TASP1: variants seen among roughly 807,000 people sequenced by gnomAD.
TASP1 encodes taspase 1.
TASP1 carries 16 observed loss-of-function variants against 56.6 expected under a neutral mutation model. The observed-to-expected ratio is 0.28, with a 90% confidence interval of 0.19 to 0.43. The LOEUF is 0.43. TASP1 is among the 20% of genes least tolerant of loss of function. TASP1 has a pLI of 1.00. For missense variants in TASP1, 393 were observed against 511.6 expected (o/e 0.77, Z 2.24); for synonymous variants, 179 against 184.2 (o/e 0.97, Z 0.23).
the TASP1 span, among the ~76,000 whole-genome samples, chr20:13,219,954 G>C: frequency 6.6e-6 from 1 of 152,180 alleles, no homozygotes; most frequent in Admixed American, 6.5e-5. Context: ...AAATTGGGGA[G>C]GGGGAAAGGG....
chr20:13,258,130 T>C, the TASP1 span, among the ~76,000 whole-genome samples: 1 of 152,160 alleles, frequency 6.6e-6, no homozygotes, highest in Non-Finnish European at 1.5e-5. Context: ...CCCCCAAACA[T>C]TCCGTTTACC....
chr20:13,227,337 G>GA, the TASP1 span, among the ~76,000 whole-genome samples: 1 of 151,470 alleles, frequency 6.6e-6, no homozygotes, highest in East Asian at 1.9e-4. Flanking sequence ...CCGAGTAGCT[G>GA]GGACTACAGG....
At chr20:13,460,101 C>G (rs1288431275) in intron 11 of TASP1, among the ~76,000 whole-genome samples, 2 of 152,174 alleles carry the variant, frequency 1.3e-5, no homozygotes, top group Non-Finnish European at 2.9e-5. Flanking sequence ...CCCTTACCCA[C>G]TCACACTGGG....
the TASP1 span, among the ~76,000 whole-genome samples, chr20:13,377,308 T>C: frequency 6.6e-6 from 1 of 152,248 alleles, no homozygotes; most frequent in East Asian, 1.9e-4. Flanking sequence ...GTCAAAGGCC[T>C]TTTCTGCATC....
chr20:13,451,789 T>G (rs2043629005), intron 11 of TASP1, among the ~76,000 whole-genome samples: 1 of 152,124 alleles, frequency 6.6e-6, no homozygotes, highest in African/African-American at 2.4e-5. Context: ...ATTCACAACT[T>G]GGCTAACTGG....
At chr20:13,118,228 G>A in the TASP1 span, among the ~76,000 whole-genome samples, 2 of 152,162 alleles carry the variant, frequency 1.3e-5, no homozygotes, top group African/African-American at 4.8e-5. Flanking sequence ...ACAAGTTGTG[G>A]GTTTTAAGAG....
chr20:13,452,367 C>T (rs1379290266), intron 11 of TASP1, among the ~76,000 whole-genome samples: 1 of 150,858 alleles, frequency 6.6e-6, no homozygotes, highest in African/African-American at 2.4e-5. Context: ...TACTAAATAC[C>T]TGCTCTGTAC....
At chr20:13,404,332 G>T (rs887169560) in intron 13 of TASP1, among the ~76,000 whole-genome samples, 1 of 152,234 alleles carries the variant, frequency 6.6e-6, no homozygotes, top group Non-Finnish European at 1.5e-5. Flanking sequence ...CAGGTGTGCA[G>T]TGGCTCACAC....
rs111973613 is a variant in TASP1 at position 13,433,841 on chromosome 20, T to TAA, written c.1096+1201_1096+1202dup. 4.4e-3 allele frequency among the ~76,000 whole-genome samples: 513 copies of TAA among 116,144 alleles called. 4 individuals are homozygous for TAA. The highest frequency in any genetic ancestry group is 0.041 in the East Asian group (169 of 4,154). 76.2% of individuals were successfully genotyped at this position (116,144 alleles called of 152,430 possible). ...CGTGGATGACCTATAGTGTTTGTAT[T>TAA]AAAAAAAAAAAAAAAAAAACAGAAG... On this transcript the variant is annotated intron_variant, in intron 12 of 13. Transcript: ENST00000337743.
chr20:13,433,471 T>C (rs1174145694), intron 12 of TASP1, among the ~76,000 whole-genome samples: 2 of 148,808 alleles, frequency 1.3e-5, no homozygotes, highest in Non-Finnish European at 2.9e-5. Flanking sequence ...GCACATCTCC[T>C]TGGAGGAACC....
At chr20:13,112,791 A>T in the TASP1 span, among the ~76,000 whole-genome samples, 1 of 152,204 alleles carries the variant, frequency 6.6e-6, no homozygotes, top group Non-Finnish European at 1.5e-5. Context: ...CAATTTCCTC[A>T]TCTGTAAAAT....
At chr20:13,393,311 T>A in intron 13 of TASP1, 1 of 757,780 alleles carries the variant, frequency 1.3e-6, no homozygotes, top group Non-Finnish European at 2.4e-6. Context: ...CTACTGGCAC[T>A]GCCAAGGCTG....
the TASP1 span, among the ~76,000 whole-genome samples, chr20:13,170,368 T>C: frequency 6.6e-6 from 1 of 152,198 alleles, no homozygotes. Flanking sequence ...CAATCAAGAA[T>C]AAGGGAACAA....
At chr20:13,302,160 C>A in the TASP1 span, among the ~76,000 whole-genome samples, 3 of 152,142 alleles carry the variant, frequency 2.0e-5, no homozygotes, top group African/African-American at 7.2e-5. Context: ...GAACAGAGAG[C>A]TTTCTTACTA....
the TASP1 span, among the ~76,000 whole-genome samples, chr20:13,230,611 G>A: frequency 6.6e-6 from 1 of 152,002 alleles, no homozygotes; most frequent in Non-Finnish European, 1.5e-5. Context: ...GGTCCTCAAT[G>A]ACAGCTAAGA....
intron 11 of TASP1, among the ~76,000 whole-genome samples, chr20:13,455,880 A>T (rs1029392723): frequency 1.3e-5 from 2 of 152,132 alleles, no homozygotes. Context: ...GGCAATAGAT[A>T]TCTCAATTGC....
chr20:13,382,416 G>C, the TASP1 span, among the ~76,000 whole-genome samples: 1 of 152,174 alleles, frequency 6.6e-6, no homozygotes, highest in Admixed American at 6.5e-5. Flanking sequence ...GGAGGCCAAG[G>C]TGGGAGGATT....
At chr20:13,163,761 A>T in the TASP1 span, among the ~76,000 whole-genome samples, 1 of 151,998 alleles carries the variant, frequency 6.6e-6, no homozygotes, top group African/African-American at 2.4e-5. Context: ...AACAACCCTC[A>T]CCTTACCTTT....
In TASP1 at chr20:13,433,444, A is replaced by G. The variant is rs6109878; in HGVS notation, c.1096+1600T>C. Among the ~76,000 whole-genome samples the G allele has an allele frequency of 8.8e-3, 1,342 of 151,976 alleles. 32 individuals are homozygous for G. Among genetic ancestry groups the G allele is most frequent in the African/African-American group, 0.03 (1,259 of 41,324 alleles). On this transcript the variant is annotated intron_variant, in intron 12 of 13. Transcript: ENST00000337743. ...ACTAGTATTTGTCTTGGTTTAACAAAACATGACTGTTAAAAAGCACATCTC... is the reference window on the plus strand; with the variant it reads ...ACTAGTATTTGTCTTGGTTTAACAAGACATGACTGTTAAAAAGCACATCTC...
Sources: allele counts gnomAD v4.1 joint callset (sites outside exome capture counted in the v4.1 genomes callset), GRCh38; gene constraint gnomAD v4.1.1; transcripts MANE v1.5; gene names NCBI Gene and HGNC (gene_info 2026-07-23, HGNC 2026-07-21).